Variants in BAZ2B observed in about 807,000 individuals in gnomAD.
BAZ2B encodes the protein bromodomain adjacent to zinc finger domain 2B.
Under a neutral mutation model 246.0 loss-of-function variants are expected in BAZ2B, and 91 were observed. The observed-to-expected ratio is 0.37, with a 90% CI of 0.31 to 0.44. The LOEUF is 0.44. Ranked by LOEUF, BAZ2B falls within the 20% of genes least tolerant of loss-of-function variation. The probability of loss-of-function intolerance (pLI) is 1.00; values close to 1 mark genes in which losing one functional copy is unlikely to be tolerated. For synonymous variants in BAZ2B, 855 were observed against 860.0 expected, an observed-to-expected ratio of 0.99 and a Z score of 0.10; for missense variants, 2,332 against 2,533.7, an observed-to-expected ratio of 0.92 and a Z score of 1.71.
chr2:159,398,686 T>G (rs1033120093), intron 18 of BAZ2B, 143 bp downstream of exon 18: 1 of 676,724 alleles, frequency 1.5e-6, no homozygotes, highest in Non-Finnish European at 2.4e-6. Context: ...AATAAAAACA[T>G]ACACTATACA....
chr2:159,519,890 C>T (rs1052832116), intron 2 of BAZ2B, among the ~76,000 whole-genome samples: 18 of 151,362 alleles, frequency 1.2e-4, no homozygotes, highest in African/African-American at 4.4e-4. Flanking sequence ...CTGCCCATTA[C>T]AACAGCTGGG....
intron 1 of BAZ2B, among the ~76,000 whole-genome samples, chr2:159,591,424 C>T (rs1408126050): frequency 6.6e-6 from 1 of 152,160 alleles, no homozygotes; most frequent in African/African-American, 2.4e-5. Flanking sequence ...CAGTCTACTT[C>T]TGTTTCTATG....
chr2:159,332,664 C>T lies in BAZ2B; in HGVS notation c.5819G>A (p.Gly1940Glu). The change falls in exon 34 of 37, where the codon GGA (glycine) becomes GAA (glutamate). Residue 1940 changes from glycine (G) to glutamate (E), a missense_variant. Gly to Glu is a moderately conservative substitution (Grantham distance 98, BLOSUM62 -2). This residue lies in a region of BAZ2B where 53 missense variants were observed against 62.0 expected (regional missense o/e 0.86). Transcript: ENST00000392783. ...AAGAAGAAGCAGTTCTTCATTATCT[C>T]CCTTTCGACAGATTTGGCAGTACTA... Reference protein sequence around the residue: ...MKVYCQICRKGDNEELLLLCD... With the variant: ...MKVYCQICRKEDNEELLLLCD... The T allele has an allele frequency of 6.2e-7, 1 of 1,613,978 alleles. No individual in the cohort carries two copies. The highest frequency in any genetic ancestry group is 8.5e-7 in the Non-Finnish European group (1 of 1,179,940).
rs149813921 is a variant in BAZ2B, at chr2:159,548,945, A to C, written c.-3+6878T>G. On this transcript the variant is annotated intron_variant, in intron 2 of 36. Transcript: ENST00000392783. ...GTTTATAAATTCCTATAAGAGCTGAACATTAGGCTCATTTACTTCCTCAAA... is the reference window on the plus strand; with the variant it reads ...GTTTATAAATTCCTATAAGAGCTGACCATTAGGCTCATTTACTTCCTCAAA... Among the ~76,000 whole-genome samples the C allele has an allele frequency of 4.7e-3, 717 of 152,322 alleles. 6 individuals carry two copies. The highest frequency in any genetic ancestry group is 0.016 in the African/African-American group (679 of 41,562).
chr2:159,414,310 A>C (rs2067286924), intron 13 of BAZ2B, among the ~76,000 whole-genome samples: 1 of 152,216 alleles, frequency 6.6e-6, no homozygotes, highest in Non-Finnish European at 1.5e-5. Flanking sequence ...AAGATGGTTA[A>C]TAGTTATAAA....
intron 2 of BAZ2B, among the ~76,000 whole-genome samples, chr2:159,527,645 C>T (rs2084904822): frequency 6.6e-6 from 1 of 152,170 alleles, no homozygotes; most frequent in South Asian, 2.1e-4. Context: ...ACAATCTTTT[C>T]ATCAGGACTT....
intron 2 of BAZ2B, among the ~76,000 whole-genome samples, chr2:159,540,343 T>C (rs1421631742): frequency 2.6e-5 from 4 of 152,242 alleles, no homozygotes; most frequent in Admixed American, 6.5e-5. Context: ...GCTTTCTTCA[T>C]GTCTCTTTCC....
chr2:159,340,592 C>T (rs1170065064), intron 31 of BAZ2B, among the ~76,000 whole-genome samples: 1 of 151,798 alleles, frequency 6.6e-6, no homozygotes, highest in Non-Finnish European at 1.5e-5. Context: ...TCAGCAGAAA[C>T]CTTGTAGGCC....
intron 20 of BAZ2B, chr2:159,392,356 T>C (rs576594104): frequency 6.6e-6 from 1 of 152,320 alleles, no homozygotes; most frequent in Non-Finnish European, 1.5e-5. Context: ...AAGCCTGTTT[T>C]TTTTTTATCG....
intron 26 of BAZ2B, among the ~76,000 whole-genome samples, chr2:159,374,448 A>G (rs1045107848): frequency 6.6e-6 from 1 of 152,204 alleles, no homozygotes; most frequent in Non-Finnish European, 1.5e-5. Flanking sequence ...ATTAAGTTCA[A>G]TATCACGTTT....
At chr2:159,456,326 G>A (rs1017560676) in intron 3 of BAZ2B, among the ~76,000 whole-genome samples, 2 of 151,968 alleles carry the variant, frequency 1.3e-5, no homozygotes, top group Non-Finnish European at 2.9e-5. Context: ...ATAATTGGTA[G>A]TAAGCAGCAT....
chr2:159,510,521 A>C (rs2082810926), intron 2 of BAZ2B, among the ~76,000 whole-genome samples: 1 of 152,124 alleles, frequency 6.6e-6, no homozygotes, highest in Non-Finnish European at 1.5e-5. Flanking sequence ...ATGATGAAAA[A>C]ATTTTGGAAA....
chr2:159,487,841 T>C (rs1326041562), intron 2 of BAZ2B, among the ~76,000 whole-genome samples: 3 of 151,302 alleles, frequency 2.0e-5, no homozygotes, highest in Non-Finnish European at 4.4e-5. Flanking sequence ...TGGGATTATG[T>C]TAAATGACCA....
intron 13 of BAZ2B, among the ~76,000 whole-genome samples, chr2:159,415,444 CA>C (rs66504722): frequency 3.3e-3 from 376 of 112,920 alleles, no homozygotes; most frequent in African/African-American, 0.012. Context: ...GACTCCGTCT[CA>C]AAAAAAAAAA....
chr2:159,463,640 G>A (rs1441222995), intron 3 of BAZ2B: 1 of 152,152 alleles, frequency 6.6e-6, no homozygotes, highest in Non-Finnish European at 1.5e-5. Flanking sequence ...GTGATGTTGA[G>A]CATTTTTTCA....
intron 34 of BAZ2B, among the ~76,000 whole-genome samples, chr2:159,330,242 C>T (rs945851460): frequency 1.1e-4 from 17 of 152,034 alleles, no homozygotes; most frequent in Non-Finnish European, 2.2e-4. Flanking sequence ...CACAAATTCC[C>T]ACAAAGCAGA....
Position 159,336,941 on chromosome 2 carries a change from C to T in BAZ2B, c.5796+1G>A. The T allele has an allele frequency of 6.3e-7, 1 of 1,595,798 alleles. No individual in the cohort carries two copies. ...AATATTTCTTAAATAAAAACACTTA[C>T]AACTTTCATAATTGATTTTTCCCAT... On this transcript the variant is annotated splice_donor_variant, in intron 33 of 36. Coordinates refer to ENST00000392783, the MANE Select transcript of BAZ2B (RefSeq NM_013450.4). LOFTEE classifies it high-confidence loss of function.
intron 2 of BAZ2B, among the ~76,000 whole-genome samples, chr2:159,530,850 A>G (rs2085307184): frequency 6.6e-6 from 1 of 151,976 alleles, no homozygotes; most frequent in African/African-American, 2.4e-5. Flanking sequence ...CATGCCTGTA[A>G]TCCCAGCTAC....
At chr2:159,399,257 A>G (rs2064571913) in intron 17 of BAZ2B, among the ~76,000 whole-genome samples, 1 of 152,194 alleles carries the variant, frequency 6.6e-6, no homozygotes. Flanking sequence ...AGTAAAACAT[A>G]ATCACTGTAA....
Sources: allele counts gnomAD v4.1 joint callset (sites outside exome capture counted in the v4.1 genomes callset), GRCh38; gene constraint gnomAD v4.1.1; regional missense constraint gnomAD v4.1.1; transcripts MANE v1.5; gene names NCBI Gene and HGNC (gene_info 2026-07-23, HGNC 2026-07-21).